NUFIP2: variants seen among roughly 807,000 people sequenced by gnomAD.
The protein encoded by NUFIP2 is nuclear FMR1 interacting protein 2.
In NUFIP2, 6 loss-of-function variants were observed where a neutral mutation model predicts 56.9. The ratio of observed to expected loss-of-function variants is 0.11; its 90% CI spans 0.06 to 0.21. The LOEUF (loss-of-function observed/expected upper bound fraction) is 0.21. Among genes scored for constraint, NUFIP2 ranks in the 10% least tolerant of loss-of-function variants. The pLI is 1.00. For synonymous variants in NUFIP2, 321 were observed against 298.2 expected, an observed-to-expected ratio of 1.08 and a Z score of -0.79; for missense variants, 828 against 826.8, an observed-to-expected ratio of 1.00 and a Z score of -0.02.
chr17:29,290,233 A>G (rs905580655), intron 1 of NUFIP2, among the ~76,000 whole-genome samples: 14 of 152,258 alleles, frequency 9.2e-5, no homozygotes, highest in African/African-American at 3.4e-4. Context: ...ACAGGGTTAC[A>G]TTTTTAAAAA....
At chr17:29,283,552 G>A in intron 2 of NUFIP2, among the ~76,000 whole-genome samples, 1 of 152,064 alleles carries the variant, frequency 6.6e-6, no homozygotes, top group East Asian at 1.9e-4. Context: ...CAAAGTGCTG[G>A]GATTACAGTC....
In NUFIP2 at chr17:29,259,273, T is replaced by A. The variant is rs1008206880; in HGVS notation, c.*5266A>T. On this transcript the variant is annotated 3_prime_UTR_variant, in exon 4 of 4. Transcript: ENST00000225388. The stretch of plus-strand genomic sequence containing the variant: ...GGAAAATAAATGTTTGTAGTTAGTT[T>A]AATAAGGCTGTAGAAAAGAGATACT... 6.6e-6 allele frequency: 1 copy of A among 152,174 alleles called. No individual in the cohort carries two copies. Among genetic ancestry groups the A allele is most frequent in the African/African-American group, 2.4e-5 (1 of 41,444 alleles). The allele number at this position is 152,174 out of a possible 1,614,324, so 9.4% of individuals were successfully genotyped here.
At position 29,255,933 on chromosome 17, in the gene NUFIP2, A is replaced by G. The variant is rs545819856; in HGVS notation, c.*8606T>C. On this transcript the variant is annotated 3_prime_UTR_variant, in exon 4 of 4. Transcript: ENST00000225388. ...GTTTTTTTTCTGATAAAATAAGTAA[A>G]TCTGGGTATGGTTGTAGAGTGTTTG... 3.9e-5 allele frequency: 6 copies of G among 152,326 alleles called. No homozygotes were observed. In the South Asian group the frequency reaches 1.2e-3, roughly 32 times the overall value. The allele number at this position is 152,326 out of a possible 1,614,324, so 9.4% of individuals were successfully genotyped here.
Position 29,258,851 on chromosome 17 carries a change from T to C in NUFIP2, c.*5688A>G, listed in dbSNP as rs1462054198. On this transcript the variant is annotated 3_prime_UTR_variant, in exon 4 of 4. Coordinates refer to ENST00000225388, the MANE Select transcript of NUFIP2 (RefSeq NM_020772.3). ...CACATTCTTGATTTTCAGTTTCTCA[T>C]AGCAGCAGGATTAATCTAAGACAGA... 6.6e-6 allele frequency: 1 copy of C among 152,218 alleles called. No individual in the cohort carries two copies. The highest frequency in any genetic ancestry group is 1.5e-5 in the Non-Finnish European group (1 of 68,044). The allele number at this position is 152,218 out of a possible 1,614,324, so 9.4% of individuals were successfully genotyped here.
At chr17:29,270,381 T>C (rs903209111) in intron 2 of NUFIP2, among the ~76,000 whole-genome samples, 2 of 151,176 alleles carry the variant, frequency 1.3e-5, no homozygotes, top group African/African-American at 4.9e-5. Flanking sequence ...ATCACACTTA[T>C]CACTCCAATA....
At chr17:29,269,504 A>T (rs1015196652) in intron 2 of NUFIP2, among the ~76,000 whole-genome samples, 39 of 143,982 alleles carry the variant, frequency 2.7e-4, no homozygotes, top group Admixed American at 6.3e-4. Flanking sequence ...TAAAAACCAA[A>T]TTTTTTTTTT....
At chr17:29,285,027 G>A (rs2069163578) in intron 2 of NUFIP2, among the ~76,000 whole-genome samples, 1 of 152,196 alleles carries the variant, frequency 6.6e-6, no homozygotes, top group Admixed American at 6.5e-5. Flanking sequence ...GAGAGGCTGG[G>A]CACGGTGGCT....
At chr17:29,289,573 CAAG>C (rs1418151577) in intron 1 of NUFIP2, among the ~76,000 whole-genome samples, 2 of 152,078 alleles carry the variant, frequency 1.3e-5, no homozygotes, top group Admixed American at 6.6e-5. Context: ...GCCTGGGCAA[CAAG>C]AGCAAAATTC....
At chr17:29,268,507 T>TTTTA (rs955050284) in intron 2 of NUFIP2, among the ~76,000 whole-genome samples, 2 of 151,982 alleles carry the variant, frequency 1.3e-5, no homozygotes, top group South Asian at 2.1e-4. Context: ...TCTTTTTTAT[T>TTTTA]TTTATTTATT....
intron 2 of NUFIP2, among the ~76,000 whole-genome samples, chr17:29,282,525 G>T (rs188520750): frequency 1.1e-3 from 166 of 148,958 alleles, no homozygotes; most frequent in African/African-American, 3.8e-3. Flanking sequence ...TCCAGCCTGG[G>T]CAACAGAGCA....
intron 2 of NUFIP2, among the ~76,000 whole-genome samples, chr17:29,275,192 TTG>T (rs1274436106): frequency 2.0e-5 from 3 of 152,112 alleles, no homozygotes; most frequent in African/African-American, 7.2e-5. Context: ...GGCTAATTTT[TTG>T]TATTTTTTTT....
In NUFIP2 at chr17:29,287,286, G is replaced by C; in HGVS notation, c.708C>G (p.Asn236Lys). Reference protein sequence around the residue: ...ARRNSAKGCENLNIVQDKIMQ... With the variant: ...ARRNSAKGCEKLNIVQDKIMQ... ...TTATTTTGTCCTGCACTATATTAAG[G>C]TTTTCACAACCCTTGGCACTATTGC... The change falls in exon 2 of 4, where the codon AAC (asparagine) becomes AAG (lysine). Residue 236 changes from asparagine (N) to lysine (K), a missense_variant. Asn to Lys is a moderately conservative substitution (Grantham distance 94). Coordinates refer to ENST00000225388, the MANE Select transcript of NUFIP2 (RefSeq NM_020772.3). The C allele has an allele frequency of 1.9e-6, 3 of 1,614,072 alleles. No individual in the cohort carries two copies. The highest frequency in any genetic ancestry group is 1.7e-6 in the Non-Finnish European group (2 of 1,180,022).
intron 2 of NUFIP2, among the ~76,000 whole-genome samples, chr17:29,268,821 A>G (rs12450538): frequency 0.23 from 34,207 of 151,926 alleles, 4,315 homozygotes; most frequent in South Asian, 0.35. Context: ...CAGCCACCAC[A>G]CCCAGCCCTA....
In NUFIP2 at chr17:29,287,304, A is replaced by C; in HGVS notation, c.690T>G (p.Ser230Arg). 1 of 1,614,134 alleles carries C rather than the reference A, an allele frequency of 6.2e-7. No homozygotes were observed. The highest frequency in any genetic ancestry group is 8.5e-7 in the Non-Finnish European group (1 of 1,180,024). ...TATTAAGGTTTTCACAACCCTTGGCACTATTGCGCCTAGCTTTCCTTTTTT... is the reference window on the plus strand; with the variant it reads ...TATTAAGGTTTTCACAACCCTTGGCCCTATTGCGCCTAGCTTTCCTTTTTT... ...TPKKRKARRN[S>R]AKGCENLNIV... The change falls in exon 2 of 4, where the codon AGT becomes AGG. Residue 230 changes from serine to arginine, a missense_variant. By Grantham distance (110) the Ser-to-Arg change is moderately radical (BLOSUM62 -1). Transcript: ENST00000225388.
chr17:29,278,238 T>C (rs16964965), intron 2 of NUFIP2, among the ~76,000 whole-genome samples: 33,865 of 151,668 alleles, frequency 0.22, 4,223 homozygotes, highest in South Asian at 0.35. Flanking sequence ...TATTCTAATC[T>C]CATGTACTTT....
intron 2 of NUFIP2, among the ~76,000 whole-genome samples, chr17:29,284,256 T>A (rs931715260): frequency 1.3e-5 from 2 of 151,988 alleles, no homozygotes; most frequent in African/African-American, 4.8e-5. Context: ...GAGGAAGAGG[T>A]AGGAAAGATG....
rs1172228768 is a variant in NUFIP2 at position 29,258,812 on chromosome 17, T to C, written c.*5727A>G. The C allele has an allele frequency of 6.6e-6, 1 of 152,206 alleles. No individual in the cohort carries two copies. Among genetic ancestry groups the C allele is most frequent in the African/African-American group, 2.4e-5 (1 of 41,450 alleles). 9.4% of individuals were successfully genotyped at this position (152,206 alleles called of 1,614,324 possible). ...ATGGTATATGTATGGTATATAGTAATGTAAAAAGTGCATCACATTCTTGAT... is the reference window on the plus strand; with the variant it reads ...ATGGTATATGTATGGTATATAGTAACGTAAAAAGTGCATCACATTCTTGAT... On this transcript the variant is annotated 3_prime_UTR_variant, in exon 4 of 4. Transcript: ENST00000225388.
intron 1 of NUFIP2, among the ~76,000 whole-genome samples, chr17:29,288,888 T>A (rs1598436287): frequency 6.6e-6 from 1 of 152,250 alleles, no homozygotes; most frequent in Admixed American, 6.5e-5. Flanking sequence ...CAGTGGATCA[T>A]GTCTGTAAAC....
intron 2 of NUFIP2, among the ~76,000 whole-genome samples, chr17:29,275,998 A>G (rs954563744): frequency 6.7e-6 from 1 of 149,896 alleles, no homozygotes; most frequent in African/African-American, 2.5e-5. Flanking sequence ...ACTGCACTCC[A>G]GCCTAGGTGA....
Sources: gnomAD v4.1 joint callset for allele counts (sites outside exome capture counted in the v4.1 genomes callset) on GRCh38, gnomAD v4.1.1 for gene constraint, MANE v1.5 for transcripts, NCBI Gene and HGNC (gene_info 2026-07-23, HGNC 2026-07-21) for gene names.